Variants in ZWILCH observed in about 807,000 individuals in gnomAD.
ZWILCH encodes the protein zwilch kinetochore protein, also known as protein zwilch homolog.
In ZWILCH, 74 loss-of-function variants were observed where a neutral mutation model predicts 79.9. The observed-to-expected ratio is 0.93, with a 90% confidence interval of 0.77 to 1.12. The LOEUF (loss-of-function observed/expected upper bound fraction) is 1.12. Ranked by LOEUF, ZWILCH falls within the 50% of genes most tolerant of loss-of-function variation. The pLI is 0.00. For synonymous variants in ZWILCH, 241 were observed against 228.2 expected (o/e 1.06, Z -0.51); for missense variants, 694 against 687.5 (o/e 1.01, Z -0.11).
At chr15:66,539,413 A>AG (rs1895123432) in intron 16 of ZWILCH, among the ~76,000 whole-genome samples, 1 of 151,646 alleles carries the variant, frequency 6.6e-6, no homozygotes, top group Non-Finnish European at 1.5e-5. Flanking sequence ...AAAAAAAAAA[A>AG]AAAAAAAAAA....
chr15:66,523,379 G>A (rs1894568803), intron 7 of ZWILCH: 1 of 256,422 alleles, frequency 3.9e-6, no homozygotes, highest in Admixed American at 5.2e-5. Context: ...TTGTCCTCCT[G>A]GAAATTCCTT....
At position 66,523,688 on chromosome 15, in the gene ZWILCH, G is replaced by A; in HGVS notation, c.759G>A (p.Val253=). ...LSSTATLNIK[V]ESGEPRGPLN... is the part of the protein sequence containing the mutation. ...TGGAAACTTTTTAGAATATTAAAGT[G>A]GAATCAGGAGAGCCCAGAGGTCCTT... The change falls in exon 8 of 19, where the codon GTG becomes GTA. Residue 253 remains valine, a synonymous_variant. Transcript: ENST00000307897. 1 of 1,610,890 alleles carries A rather than the reference G, an allele frequency of 6.2e-7. No homozygotes were observed. Among genetic ancestry groups the A allele is most frequent in the Non-Finnish European group, 8.5e-7 (1 of 1,177,964 alleles).
chr15:66,515,389 A>G, intron 3 of ZWILCH, 137 bp from the exon 4 acceptor site: 2 of 619,688 alleles, frequency 3.2e-6, no homozygotes, highest in Non-Finnish European at 5.4e-6. Flanking sequence ...TCTTGCCAAA[A>G]CCCAATCATT....
Position 66,537,268 on chromosome 15 carries a change from G to C in ZWILCH, c.1574+5G>C. The stretch of plus-strand genomic sequence containing the variant: ...TGTAAAGAACTTATATCAAAGGTAA[G>C]CAATTTTTGCTAGGCATGGTGGCTC... On this transcript the variant is annotated splice_donor_5th_base_variant and intron_variant, in intron 16 of 18. Transcript: ENST00000307897. 1 of 1,609,132 alleles carries C rather than the reference G, an allele frequency of 6.2e-7. No individual in the cohort carries two copies. The highest frequency in any genetic ancestry group is 8.5e-7 in the Non-Finnish European group (1 of 1,177,600).
chr15:66,514,687 A>T (rs1471379966), intron 3 of ZWILCH, among the ~76,000 whole-genome samples: 1 of 152,182 alleles, frequency 6.6e-6, no homozygotes, highest in Non-Finnish European at 1.5e-5. Context: ...CAATCAGGAT[A>T]TATAACAGTT....
chr15:66,517,430 G>GTGTGTGTATATATATATA, intron 4 of ZWILCH, among the ~76,000 whole-genome samples: 2,276 of 66,204 alleles, frequency 0.034, 72 homozygotes, highest in Admixed American at 0.063. Flanking sequence ...GTGTGTGTGT[G>GTGTGTGTATATATATATA]TATATATATA....
chr15:66,519,156 T>C lies in ZWILCH; in HGVS notation c.520+78T>C, dbSNP rs950100716. 45 of 1,420,768 alleles carry C rather than the reference T, an allele frequency of 3.2e-5. No homozygotes were observed. In the African/African-American group the frequency reaches 5.4e-4, roughly 17 times the overall value. The allele number at this position is 1,420,768 out of a possible 1,614,324, so 88.0% of individuals were successfully genotyped here. A position where few individuals can be genotyped will look rare whatever the true frequency, so the allele number is the denominator to read the frequency against. On this transcript the variant is annotated intron_variant, in intron 5 of 18. Coordinates refer to ENST00000307897, the MANE Select transcript of ZWILCH (RefSeq NM_017975.5). The stretch of plus-strand genomic sequence containing the variant: ...ATTGTTTCATGTTTTTTTACGAAAA[T>C]TGATATTGTTATGATGAAAGTGCAC...
At chr15:66,522,156 C>G (rs961974512) in intron 7 of ZWILCH, among the ~76,000 whole-genome samples, 7 of 151,810 alleles carry the variant, frequency 4.6e-5, no homozygotes, top group Non-Finnish European at 1.0e-4. Context: ...CAAGATTGTG[C>G]CACTGCGCTC....
intron 2 of ZWILCH, among the ~76,000 whole-genome samples, chr15:66,509,316 A>G (rs1433780988): frequency 6.6e-6 from 1 of 152,178 alleles, no homozygotes; most frequent in African/African-American, 2.4e-5. Context: ...AAATGTTCTT[A>G]TGTCCCTTTA....
intron 5 of ZWILCH, among the ~76,000 whole-genome samples, chr15:66,519,611 G>T (rs113884430): frequency 0.018 from 2,717 of 151,910 alleles, 41 homozygotes; most frequent in South Asian, 0.056. Flanking sequence ...CTGCCACCAC[G>T]CCCGGCTAAT....
At position 66,521,067 on chromosome 15, in the gene ZWILCH, T is replaced by A; in HGVS notation, c.609T>A (p.Phe203Leu). 1 of 1,614,212 alleles carries A rather than the reference T, an allele frequency of 6.2e-7. No individual in the cohort carries two copies. The highest frequency in any genetic ancestry group is 8.5e-7 in the Non-Finnish European group (1 of 1,180,040). Residue 203 changes from phenylalanine (F) to leucine (L), a missense_variant, in exon 7 of 19, where the codon TTT becomes TTA. Coordinates refer to ENST00000307897, the MANE Select transcript of ZWILCH (RefSeq NM_017975.5). ...HHLSTVTSKG[F>L]AQYELFKSSA... ...CTTTTCAGGTAACATCCAAAGGCTT[T>A]GCCCAGTATGAGCTCTTTAAGTCCT...
In ZWILCH at chr15:66,533,099, C is replaced by A; in HGVS notation, c.1341+86C>A. 8.9e-6 allele frequency: 8 copies of A among 901,940 alleles called. No homozygotes were observed. In the South Asian group the frequency reaches 1.3e-4, roughly 15 times the overall value. The allele number at this position is 901,940 out of a possible 1,614,324, so 55.9% of individuals were successfully genotyped here. On this transcript the variant is annotated intron_variant, in intron 14 of 18. Transcript: ENST00000307897. ...TTATTAACTGCCAATAATATGCTAG[C>A]CACTGTCTTAGGTCCTGGGAAATGG...
intron 2 of ZWILCH, among the ~76,000 whole-genome samples, chr15:66,512,832 G>A (rs1894117980): frequency 6.6e-6 from 1 of 152,176 alleles, no homozygotes; most frequent in Non-Finnish European, 1.5e-5. Context: ...GTCTTGCTCT[G>A]TTGCCCTGGC....
chr15:66,523,993 AATTT>A (rs1324358759), intron 8 of ZWILCH, among the ~76,000 whole-genome samples: 2 of 151,988 alleles, frequency 1.3e-5, no homozygotes, highest in Non-Finnish European at 2.9e-5. Context: ...TTTTTTAATT[AATTT>A]ATTTATTTTT....
intron 2 of ZWILCH, among the ~76,000 whole-genome samples, chr15:66,512,356 T>C (rs1894099433): frequency 6.6e-6 from 1 of 151,850 alleles, no homozygotes; most frequent in South Asian, 2.1e-4. Context: ...ACTCCTGGGC[T>C]CAAGTGATCC....
chr15:66,549,854 G>T lies in ZWILCH; in HGVS notation c.*1530G>T, dbSNP rs1895532614. 1 of 450,900 alleles carries T rather than the reference G, an allele frequency of 2.2e-6. No homozygotes were observed. The highest frequency in any genetic ancestry group is 3.6e-5 in the East Asian group (1 of 27,630). 27.9% of individuals were successfully genotyped at this position (450,900 alleles called of 1,614,324 possible). On this transcript the variant is annotated 3_prime_UTR_variant, in exon 19 of 19. Transcript: ENST00000307897. The stretch of plus-strand genomic sequence containing the variant: ...AATGGATAAAATGTTTATCTTTCAT[G>T]GTAGATTAAATGCTTTAAAATGCTT...
rs200340415 is a variant in ZWILCH at position 66,550,040 on chromosome 15, C to T, written c.*1716C>T. The T allele has an allele frequency of 1.3e-6, 2 of 1,595,840 alleles. No individual in the cohort carries two copies. Among genetic ancestry groups the T allele is most frequent in the Non-Finnish European group, 1.7e-6 (2 of 1,171,094 alleles). ...GAAAACATTGAAATATACTGACTCA[C>T]CTGCAGCAAGCATCTGATTGTTGAT... is the stretch of plus-strand genomic sequence containing the variant. On this transcript the variant is annotated 3_prime_UTR_variant, in exon 19 of 19. Coordinates refer to ENST00000307897, the MANE Select transcript of ZWILCH (RefSeq NM_017975.5).
intron 11 of ZWILCH, 128 bp downstream of exon 11, chr15:66,529,085 T>C: frequency 1.5e-6 from 1 of 684,858 alleles, no homozygotes; most frequent in Non-Finnish European, 2.5e-6. Context: ...ATCTAATTCA[T>C]TTCTAATGAC....
At chr15:66,520,533 C>G in intron 5 of ZWILCH, 57 bp from the exon 6 acceptor site, 1 of 879,234 alleles carries the variant, frequency 1.1e-6, no homozygotes, top group Non-Finnish European at 1.9e-6. Flanking sequence ...AGTTTTGTAG[C>G]TCTGACAATG....
Sources: gnomAD v4.1 joint callset for allele counts (sites outside exome capture counted in the v4.1 genomes callset) on GRCh38, gnomAD v4.1.1 for gene constraint, MANE v1.5 for transcripts, NCBI Gene and HGNC (gene_info 2026-07-23, HGNC 2026-07-21) for gene names.